The following ACSL6 variants were observed in gnomAD, a reference collection of about 807,000 sequenced individuals.
ACSL6 encodes the protein acyl-CoA synthetase long chain family member 6.
Under a neutral mutation model 98.2 loss-of-function variants are expected in ACSL6, and 47 were observed. The ratio of observed to expected loss-of-function variants is 0.48; its 90% CI spans 0.38 to 0.61. ACSL6 has a LOEUF of 0.61. Among genes scored for constraint, ACSL6 ranks in the 20% least tolerant of loss-of-function variants. The probability of loss-of-function intolerance (pLI) is 0.00; values close to 1 mark genes in which losing one functional copy is unlikely to be tolerated. For missense variants in ACSL6, 761 were observed against 913.4 expected (o/e 0.83, Z 2.15); for synonymous variants, 362 against 336.9 (o/e 1.07, Z -0.82).
chr5:131,986,942 C>T, intron 7 of ACSL6, 88 bp from the exon 8 acceptor site: 1 of 1,325,686 alleles, frequency 7.5e-7, no homozygotes, highest in Non-Finnish European at 1.1e-6. Context: ...TTCTCTCACA[C>T]ACGCACATAC....
chr5:131,973,505 C>T, intron 11 of ACSL6, 105 bp from the exon 12 acceptor site: 2 of 1,241,334 alleles, frequency 1.6e-6, no homozygotes, highest in East Asian at 2.6e-5. Context: ...ACCCATGACC[C>T]CCTGACCCAG....
intron 1 of ACSL6, among the ~76,000 whole-genome samples, chr5:131,996,720 G>T (rs1754811616): frequency 6.6e-6 from 1 of 152,214 alleles, no homozygotes; most frequent in Admixed American, 6.5e-5. Context: ...GATTAGCCAA[G>T]TCATCCATCT....
chr5:131,975,523 T>A, intron 10 of ACSL6: 1 of 985,300 alleles, frequency 1.0e-6, no homozygotes, highest in Non-Finnish European at 1.2e-6. Flanking sequence ...TCTATGCAAC[T>A]GTGGCTGGGG....
Position 131,966,280 on chromosome 5 carries a change from C to T in ACSL6, c.1713+136G>A, listed in dbSNP as rs556993740. 66 of 769,552 alleles carry T rather than the reference C, an allele frequency of 8.6e-5. No individual in the cohort carries two copies. In the East Asian group the frequency reaches 1.5e-3, roughly 18 times the overall value. 47.7% of individuals were successfully genotyped at this position (769,552 alleles called of 1,614,324 possible). On this transcript the variant is annotated intron_variant, in intron 17 of 20. Coordinates refer to ENST00000651883, the MANE Select transcript of ACSL6 (RefSeq NM_001009185.3). ...CTGGGGCTCAGGGAAGGAAGAGCCT[C>T]CCCCCAGGCCCCAGAGGTGCTCCTG...
rs1440809600 is a variant in ACSL6, at chr5:132,011,344, C to T, written c.49+161G>A. 7 of 731,692 alleles carry T rather than the reference C, an allele frequency of 9.6e-6. No individual in the cohort carries two copies. In the East Asian group the frequency reaches 1.6e-4, roughly 17 times the overall value. The allele number at this position is 731,692 out of a possible 1,614,324, so 45.3% of individuals were successfully genotyped here. On this transcript the variant is annotated intron_variant, in intron 1 of 20. Coordinates refer to ENST00000651883, the MANE Select transcript of ACSL6 (RefSeq NM_001009185.3). The surrounding 1 kb of genome is among the most constrained non-coding windows in gnomAD (Gnocchi z 5.4). ...GCCCGGAGCCCGCGAGAACTGGGGG[C>T]GGAGGGTGTACTTAGGCGGCCCTGG... is the stretch of plus-strand genomic sequence containing the variant.
chr5:131,968,787 G>T, intron 15 of ACSL6, among the ~76,000 whole-genome samples: 1 of 152,256 alleles, frequency 6.6e-6, no homozygotes, highest in Middle Eastern at 3.4e-3. Context: ...ATTGAGCCGC[G>T]TATATGAAAA....
intron 15 of ACSL6, among the ~76,000 whole-genome samples, chr5:131,968,751 G>T (rs1443143933): frequency 6.6e-6 from 1 of 152,208 alleles, no homozygotes; most frequent in African/African-American, 2.4e-5. Context: ...GTTTTAAGCA[G>T]ATGCTAGCCA....
intron 5 of ACSL6, among the ~76,000 whole-genome samples, chr5:131,989,135 G>A (rs1754364549): frequency 6.6e-6 from 1 of 152,100 alleles, no homozygotes. Context: ...CAGTTCCATG[G>A]CCTGCATGAG....
intron 7 of ACSL6, 37 bp from the exon 8 acceptor site, chr5:131,986,891 G>A (rs759127105): frequency 5.6e-6 from 9 of 1,612,398 alleles, no homozygotes; most frequent in Non-Finnish European, 5.1e-6. Flanking sequence ...ATGCTCAAAA[G>A]TTCTCTCTCT....
Position 131,952,095 on chromosome 5 carries a change from C to G in ACSL6, c.*2139G>C, listed in dbSNP as rs1752191535. On this transcript the variant is annotated 3_prime_UTR_variant, in exon 21 of 21. Transcript: ENST00000651883. Reference sequence around the variant, plus strand: ...GTTATTGAAATGTAAGCAACTTGCCCTTAAAATAGTATGAATATCCAGTTC... The same window carrying G: ...GTTATTGAAATGTAAGCAACTTGCCGTTAAAATAGTATGAATATCCAGTTC... 5.5e-6 allele frequency: 1 copy of G among 180,614 alleles called. No individual in the cohort carries two copies. Among genetic ancestry groups the G allele is most frequent in the Non-Finnish European group, 1.2e-5 (1 of 84,558 alleles). The allele number at this position is 180,614 out of a possible 1,614,324, so 11.2% of individuals were successfully genotyped here.
intron 9 of ACSL6, among the ~76,000 whole-genome samples, chr5:131,979,151 G>C (rs1215938117): frequency 6.6e-6 from 1 of 152,128 alleles, no homozygotes; most frequent in African/African-American, 2.4e-5. Context: ...AAATATCCAA[G>C]TTGTCTCATA....
intron 4 of ACSL6, 75 bp from the exon 5 acceptor site, chr5:131,989,583 C>CTTTTT (rs57391438): frequency 7.8e-5 from 14 of 180,632 alleles, no homozygotes; most frequent in African/African-American, 2.7e-4. Flanking sequence ...AGGAGGAATT[C>CTTTTT]TTTTTTTTTT....
At chr5:132,005,215 G>A (rs1755336924) in intron 1 of ACSL6, among the ~76,000 whole-genome samples, 1 of 152,184 alleles carries the variant, frequency 6.6e-6, no homozygotes, top group African/African-American at 2.4e-5. Context: ...ATCACATCCA[G>A]CCCATCTGCT....
intron 15 of ACSL6, 76 bp downstream of exon 15, chr5:131,970,052 T>C (rs1753220291): frequency 2.3e-6 from 3 of 1,332,190 alleles, no homozygotes; most frequent in African/African-American, 1.4e-5. Context: ...TTACTTTCCA[T>C]GAGGGAGTTT....
At position 132,011,541 on chromosome 5, in the gene ACSL6, A is replaced by G. The variant is rs779296527; in HGVS notation, c.13T>C (p.Phe5Leu). The G allele has an allele frequency of 3.1e-6, 5 of 1,602,620 alleles. No homozygotes were observed. The highest frequency in any genetic ancestry group is 1.7e-4 in the Middle Eastern group (1 of 6,042). Residue 5 changes from phenylalanine to leucine, a missense_variant, in exon 1 of 21, where the codon TTC becomes CTC. Physicochemically the swap from Phe to Leu is conservative, Grantham distance 22. Transcript: ENST00000651883. The surrounding 1 kb of genome is among the most constrained non-coding windows in gnomAD (Gnocchi z 5.4). MLTF[F>L]LVSGGSLWLF... ...CAGAGGGAGCCCCCCGACACGAGGA[A>G]GAAGGTCAGCATGGCGGTCAGCGGG...
chr5:131,955,658 A>G (rs904217559), intron 20 of ACSL6, among the ~76,000 whole-genome samples: 3 of 152,164 alleles, frequency 2.0e-5, no homozygotes, highest in African/African-American at 7.2e-5. Context: ...CAAGCCCTAA[A>G]CCAACCTGAG....
rs1752285368 is a variant in ACSL6 at position 131,954,310 on chromosome 5, GT to G, written c.2092del (p.Thr698HisfsTer2). 2 of 1,614,012 alleles carry G rather than the reference GT, an allele frequency of 1.2e-6. No homozygotes were observed. Among genetic ancestry groups the G allele is most frequent in the Non-Finnish European group, 1.7e-6 (2 of 1,179,966 alleles). Reference sequence around the variant, plus strand: ...CAGCTCAGGTCTCTTAGCTTTTAGTGTTGGTGTCAGCAAGCCATTTTGAACT... The same window carrying G: ...CAGCTCAGGTCTCTTAGCTTTTAGTGTGGTGTCAGCAAGCCATTTTGAACT... ...FSVQNGLLTPTLKAKRPELRE... is the reference protein window; with the variant it reads ...FSVQNGLLTPXLKAKRPELRE... On this transcript the variant is annotated frameshift_variant, in exon 21 of 21. Coordinates refer to ENST00000651883, the MANE Select transcript of ACSL6 (RefSeq NM_001009185.3). LOFTEE classifies it high-confidence loss of function.
At chr5:131,990,035 C>A in intron 4 of ACSL6, 65 bp downstream of exon 4, 1 of 1,553,944 alleles carries the variant, frequency 6.4e-7, no homozygotes, top group African/African-American at 1.4e-5. Flanking sequence ...CACATCCCTC[C>A]CTACCTGCCC....
At chr5:131,974,870 G>T in intron 11 of ACSL6, 23 bp downstream of exon 11, 9 of 1,614,030 alleles carry the variant, frequency 5.6e-6, no homozygotes, top group Non-Finnish European at 7.6e-6. Flanking sequence ...GGCAAGGCCC[G>T]GTCAGTCAGG....
Sources: allele counts gnomAD v4.1 joint callset (sites outside exome capture counted in the v4.1 genomes callset), GRCh38; gene constraint gnomAD v4.1.1; non-coding constraint Gnocchi (gnomAD v3.1); transcripts MANE v1.5; gene names NCBI Gene and HGNC (gene_info 2026-07-23, HGNC 2026-07-21).